Variants in CCDC30 observed in about 807,000 individuals in gnomAD.
The protein encoded by CCDC30 is coiled-coil domain-containing protein 30.
CCDC30 carries 70 observed loss-of-function variants against 100.2 expected under a neutral mutation model. That is an observed-to-expected ratio of 0.70 (90% CI 0.58 to 0.85). The LOEUF is 0.85. Among genes scored for constraint, CCDC30 ranks in the 40% least tolerant of loss-of-function variants. CCDC30 has a pLI of 0.00. For missense variants in CCDC30, 652 were observed against 771.2 expected (o/e 0.85, Z 1.83); for synonymous variants, 233 against 269.5 (o/e 0.86, Z 1.33).
intron 11 of CCDC30, among the ~76,000 whole-genome samples, chr1:42,632,491 C>T (rs555953004): frequency 5.3e-5 from 8 of 151,514 alleles, no homozygotes; most frequent in African/African-American, 1.5e-4. Context: ...AGGCCGGGGG[C>T]GGTAGCTCAC....
the CCDC30 span, chr1:42,456,887 T>G: frequency 1.2e-6 from 2 of 1,612,836 alleles, no homozygotes; most frequent in Non-Finnish European, 1.7e-6. Flanking sequence ...TCTGCGGCCT[T>G]CGGGCCCAGC....
chr1:42,643,349 A>G (rs1647614370), intron 13 of CCDC30, among the ~76,000 whole-genome samples: 1 of 152,178 alleles, frequency 6.6e-6, no homozygotes, highest in Non-Finnish European at 1.5e-5. Flanking sequence ...TTGGCCCTAG[A>G]CCATAGCACC....
intron 12 of CCDC30, among the ~76,000 whole-genome samples, chr1:42,639,773 T>C (rs1482097507): frequency 6.6e-6 from 1 of 152,192 alleles, no homozygotes; most frequent in Admixed American, 6.5e-5. Flanking sequence ...ATACACATTT[T>C]TCATAGATGT....
intron 2 of CCDC30, among the ~76,000 whole-genome samples, chr1:42,481,237 ATG>A: frequency 6.6e-6 from 1 of 152,256 alleles, no homozygotes; most frequent in Non-Finnish European, 1.5e-5. Flanking sequence ...TTTTTATTGA[ATG>A]TATCAAAATT....
intron 15 of CCDC30, among the ~76,000 whole-genome samples, chr1:42,651,167 G>C (rs12136208): frequency 0.27 from 41,670 of 151,716 alleles, 6,174 homozygotes; most frequent in Middle Eastern, 0.35. Flanking sequence ...TATTGACCTG[G>C]ACAACAATTT....
At chr1:42,514,533 C>T (rs1644525915) in intron 6 of CCDC30, among the ~76,000 whole-genome samples, 1 of 152,140 alleles carries the variant, frequency 6.6e-6, no homozygotes, top group Non-Finnish European at 1.5e-5. Context: ...TAGCCATTTG[C>T]ATATCTTCTT....
intron 6 of CCDC30, among the ~76,000 whole-genome samples, chr1:42,516,797 G>T (rs911912876): frequency 6.6e-6 from 1 of 152,052 alleles, no homozygotes; most frequent in African/African-American, 2.4e-5. Context: ...CTCAGGTATT[G>T]TTATAGCAAT....
At chr1:42,540,345 T>C (rs1310426360) in intron 6 of CCDC30, among the ~76,000 whole-genome samples, 1 of 152,104 alleles carries the variant, frequency 6.6e-6, no homozygotes, top group Non-Finnish European at 1.5e-5. Flanking sequence ...AAGCCTTTTT[T>C]GTGGGACCTT....
intron 15 of CCDC30, among the ~76,000 whole-genome samples, chr1:42,649,517 A>C (rs1460490428): frequency 6.6e-6 from 1 of 152,224 alleles, no homozygotes; most frequent in Non-Finnish European, 1.5e-5. Flanking sequence ...AAAAGTTGGA[A>C]GCTTTTTCTC....
At chr1:42,479,565 TTA>T (rs1557794328) in intron 1 of CCDC30, among the ~76,000 whole-genome samples, 2 of 139,948 alleles carry the variant, frequency 1.4e-5, no homozygotes, top group Admixed American at 7.1e-5. Context: ...AGACATATGC[TTA>T]AAAAAAAAAA....
chr1:42,489,708 C>A (rs1458636239), intron 3 of CCDC30, among the ~76,000 whole-genome samples: 1 of 152,176 alleles, frequency 6.6e-6, no homozygotes, highest in Non-Finnish European at 1.5e-5. Context: ...TTGCATAGCA[C>A]CAAAAGCTAT....
Position 42,620,582 on chromosome 1 carries a change from C to CAAA in CCDC30, c.1277+9505_1277+9507dup, listed in dbSNP as rs201850758. 9.7e-4 allele frequency among the ~76,000 whole-genome samples: 105 copies of CAAA among 108,612 alleles called. 1 individual carries two copies. Among genetic ancestry groups the CAAA allele is most frequent in the African/African-American group, 3.6e-3 (105 of 29,048 alleles). 71.3% of individuals were successfully genotyped at this position (108,612 alleles called of 152,430 possible). ...AAAGTATGTGGGACAATATGAGGGG[C>CAAA]AAAAAAAAAAAAAAAGTAACTTGTC... On this transcript the variant is annotated intron_variant, in intron 11 of 16. Transcript: ENST00000668663.
intron 10 of CCDC30, among the ~76,000 whole-genome samples, chr1:42,598,961 G>A (rs927709497): frequency 6.6e-6 from 1 of 152,126 alleles, no homozygotes; most frequent in Non-Finnish European, 1.5e-5. Context: ...AAAATTAAGG[G>A]AATCTATTAC....
At chr1:42,625,245 T>G (rs973165905) in intron 11 of CCDC30, among the ~76,000 whole-genome samples, 1 of 152,168 alleles carries the variant, frequency 6.6e-6, no homozygotes, top group African/African-American at 2.4e-5. Flanking sequence ...TTTTTGTCCC[T>G]GATTTTATTT....
intron 7 of CCDC30, among the ~76,000 whole-genome samples, chr1:42,568,080 G>A (rs953019222): frequency 2.6e-5 from 4 of 152,002 alleles, no homozygotes; most frequent in African/African-American, 9.7e-5. Context: ...TATATGATGA[G>A]TATCCTTTAT....
At chr1:42,615,593 G>A (rs767762966) in intron 11 of CCDC30, among the ~76,000 whole-genome samples, 3 of 152,028 alleles carry the variant, frequency 2.0e-5, no homozygotes, top group East Asian at 3.9e-4. Context: ...GTGAGCCACC[G>A]CGCCCGGCCA....
Position 42,566,165 on chromosome 1 carries a change from T to C in CCDC30, c.457-131T>C, listed in dbSNP as rs552766297. 1.5e-5 allele frequency: 10 copies of C among 654,024 alleles called. No homozygotes were observed. The East Asian group carries it at 2.5e-4, about 16-fold the overall frequency. 40.5% of individuals were successfully genotyped at this position (654,024 alleles called of 1,614,324 possible). On this transcript the variant is annotated intron_variant, in intron 6 of 16. Coordinates refer to ENST00000668663, the Ensembl canonical transcript of CCDC30. The stretch of plus-strand genomic sequence containing the variant: ...ATGTAAAAGAGTAGTTTGCTGTAGA[T>C]AAGCTAACTCCAAAAACATTTACAT...
chr1:42,579,326 G>A (rs1645911615), intron 8 of CCDC30, among the ~76,000 whole-genome samples: 1 of 151,730 alleles, frequency 6.6e-6, no homozygotes, highest in Non-Finnish European at 1.5e-5. Flanking sequence ...GAGGCGAGGC[G>A]AGGCAAGTGG....
At chr1:42,565,401 G>A (rs1223778268) in intron 6 of CCDC30, among the ~76,000 whole-genome samples, 1 of 152,172 alleles carries the variant, frequency 6.6e-6, no homozygotes, top group Admixed American at 6.6e-5. Context: ...ATTCTCAAAA[G>A]AAGATGTGCA....
Sources: gnomAD v4.1 joint callset for allele counts (sites outside exome capture counted in the v4.1 genomes callset) on GRCh38, gnomAD v4.1.1 for gene constraint, MANE v1.5 for transcripts, NCBI Gene and HGNC (gene_info 2026-07-23, HGNC 2026-07-21) for gene names.